ZER1: variants seen among roughly 807,000 people sequenced by gnomAD.
ZER1 encodes the protein protein zer-1 homolog.
In ZER1, 11 loss-of-function variants were observed where a neutral mutation model predicts 78.8. The observed-to-expected ratio is 0.14, with a 90% CI of 0.09 to 0.23. ZER1 has a LOEUF of 0.23. Ranked by LOEUF, ZER1 falls within the 10% of genes least tolerant of loss-of-function variation. The pLI, the probability that ZER1 is intolerant of heterozygous loss-of-function variation, is 1.00. For missense variants in ZER1, 588 were observed against 996.9 expected (o/e 0.59, Z 5.52); for synonymous variants, 400 against 407.0 (o/e 0.98, Z 0.21).
rs1457122391 is a variant in ZER1, at chr9:128,753,872, G to A, written c.246C>T (p.Leu82=). 3 of 1,603,466 alleles carry A rather than the reference G, an allele frequency of 1.9e-6. No individual in the cohort carries two copies. Among genetic ancestry groups the A allele is most frequent in the African/African-American group, 1.3e-5 (1 of 74,966 alleles). Residue 82 remains leucine (L), a synonymous_variant, in exon 3 of 16, where the codon CTC becomes CTT. Coordinates refer to ENST00000291900, the MANE Select transcript of ZER1 (RefSeq NM_006336.4). This position sits in a 1 kb window ranked among gnomAD's most constrained non-coding sequence, Gnocchi z 7.5. ...GGTCCTCACGGAGGTGGATCCGCGT[G>A]AGGCGGGTGCTGCGGGGGTCCGAAA... The part of the protein sequence containing the change: ...SLFSDPRSTR[L]TRIHLREDLV...
Position 128,753,409 on chromosome 9 carries a change from C to T in ZER1, c.501G>A (p.Lys167=). 6.2e-7 allele frequency: 1 copy of T among 1,614,184 alleles called. No individual in the cohort carries two copies. The highest frequency in any genetic ancestry group is 2.2e-5 in the East Asian group (1 of 44,888). The stretch of plus-strand genomic sequence containing the variant: ...GGCTGAAGCCCTCGAAGGTGAAATC[C>T]TTAACCAGCACCTGGCAGGTGGGGT... ...LVNPTCQVLV[K]DFTFEGFSRL... Residue 167 remains lysine, a synonymous_variant, in exon 4 of 16, where the codon AAG becomes AAA. Coordinates refer to ENST00000291900, the MANE Select transcript of ZER1 (RefSeq NM_006336.4). The surrounding 1 kb of genome is among the most constrained non-coding windows in gnomAD (Gnocchi z 7.5).
rs1863234352 is a variant in ZER1 at position 128,739,994 on chromosome 9, T to G, written c.1979A>C (p.Glu660Ala). Residue 660 changes from glutamate to alanine, a missense_variant, in exon 13 of 16, where the codon GAG becomes GCG. Coordinates refer to ENST00000291900, the MANE Select transcript of ZER1 (RefSeq NM_006336.4). Reference sequence around the variant, plus strand: ...CTGGATGGCAGCCCACATGCGTTCCTCCACCTCCTCACGCTGGGGCTCACA... The same window carrying G: ...CTGGATGGCAGCCCACATGCGTTCCGCCACCTCCTCACGCTGGGGCTCACA... ...GVCEPQREEV[E>A]ERMWAAIQSW... 6.2e-7 allele frequency: 1 copy of G among 1,613,872 alleles called. No individual in the cohort carries two copies. Among genetic ancestry groups the G allele is most frequent in the Non-Finnish European group, 8.5e-7 (1 of 1,179,910 alleles).
intron 14 of ZER1, among the ~76,000 whole-genome samples, chr9:128,734,927 C>T (rs779338783): frequency 2.0e-5 from 3 of 151,550 alleles, no homozygotes; most frequent in Non-Finnish European, 4.4e-5. Context: ...TTGCTCAGGC[C>T]GGAGTGCAAT....
At chr9:128,752,890 C>G in intron 4 of ZER1, 41 bp from the exon 5 acceptor site, 1 of 1,583,786 alleles carries the variant, frequency 6.3e-7, no homozygotes, top group Non-Finnish European at 8.6e-7. Context: ...GAGCTGGGTA[C>G]AGGGTGGGGC....
intron 13 of ZER1, 112 bp downstream of exon 13, chr9:128,739,819 A>T: frequency 7.5e-7 from 1 of 1,337,760 alleles, no homozygotes; most frequent in Non-Finnish European, 1.0e-6. Context: ...AGAACCCTAC[A>T]GAAGACCAGA....
intron 1 of ZER1, among the ~76,000 whole-genome samples, chr9:128,758,161 T>G (rs1002929699): frequency 6.7e-6 from 1 of 150,180 alleles, no homozygotes; most frequent in African/African-American, 2.4e-5. Context: ...GCTCTGTTGC[T>G]CAGGCTGGAG....
intron 1 of ZER1, among the ~76,000 whole-genome samples, chr9:128,769,884 C>T (rs981720955): frequency 2.0e-5 from 3 of 152,174 alleles, no homozygotes; most frequent in Non-Finnish European, 4.4e-5. Context: ...TACTTACAAC[C>T]GAAGCCCCAA....
rs536890850 is a variant in ZER1 at position 128,761,586 on chromosome 9, C to T, written c.-94-5927G>A. On this transcript the variant is annotated intron_variant, in intron 1 of 15. Transcript: ENST00000291900. ...CAGTCATGAGCCACCATGTCCAGCC[C>T]TATGACCCCATAATTTGTTTTTTTT... Among the ~76,000 whole-genome samples, 3 of 149,188 alleles carry T rather than the reference C, an allele frequency of 2.0e-5. No individual in the cohort carries two copies. The East Asian group carries it at 6.0e-4, about 30-fold the overall frequency.
rs1253876197 is a variant in ZER1, at chr9:128,753,136, C to A, written c.746+28G>T. The A allele has an allele frequency of 1.3e-5, 19 of 1,504,298 alleles. No homozygotes were observed. Among genetic ancestry groups the A allele is most frequent in the Non-Finnish European group, 1.7e-5 (19 of 1,124,228 alleles). 93.2% of individuals were successfully genotyped at this position (1,504,298 alleles called of 1,614,324 possible). A position where few individuals can be genotyped will look rare whatever the true frequency, so the allele number is the denominator to read the frequency against. ...TCCCCACCTGCCCCCCAAACCCCACCCTGGTGAGCTCTGGGCCAGGAGCTC... is the reference window on the plus strand; with the variant it reads ...TCCCCACCTGCCCCCCAAACCCCACACTGGTGAGCTCTGGGCCAGGAGCTC... On this transcript the variant is annotated intron_variant, in intron 4 of 15. Transcript: ENST00000291900. This position sits in a 1 kb window ranked among gnomAD's most constrained non-coding sequence, Gnocchi z 7.5.
At chr9:128,767,231 C>T (rs528932425) in intron 1 of ZER1, among the ~76,000 whole-genome samples, 1 of 151,958 alleles carries the variant, frequency 6.6e-6, no homozygotes, top group East Asian at 1.9e-4. Flanking sequence ...GTGTGAGCCA[C>T]TGCGGTCGGC....
At chr9:128,767,591 T>C (rs1248650111) in intron 1 of ZER1, among the ~76,000 whole-genome samples, 1 of 152,158 alleles carries the variant, frequency 6.6e-6, no homozygotes, top group Non-Finnish European at 1.5e-5. Context: ...ATCATTTTGT[T>C]TCCCAGATAA....
intron 13 of ZER1, among the ~76,000 whole-genome samples, 195 bp downstream of exon 13, chr9:128,739,736 A>G (rs1863224510): frequency 1.3e-5 from 2 of 152,114 alleles, no homozygotes; most frequent in Non-Finnish European, 2.9e-5. Context: ...CAAATGCTCC[A>G]GGCTGCACGG....
At chr9:128,768,624 T>C (rs542181493) in intron 1 of ZER1, among the ~76,000 whole-genome samples, 1 of 152,264 alleles carries the variant, frequency 6.6e-6, no homozygotes, top group African/African-American at 2.4e-5. Flanking sequence ...TCCTAAGTGC[T>C]CTGACCTTTC....
At chr9:128,739,875 G>A (rs760217639) in intron 13 of ZER1, 56 bp downstream of exon 13, 33 of 1,563,758 alleles carry the variant, frequency 2.1e-5, no homozygotes, top group Non-Finnish European at 2.6e-5. Flanking sequence ...TGAGCATCCT[G>A]CCCAGCACTT....
chr9:128,754,206 C>G lies in ZER1; in HGVS notation c.159-247G>C, dbSNP rs143724187. Among the ~76,000 whole-genome samples the G allele has an allele frequency of 3.4e-3, 524 of 152,310 alleles. 3 individuals are homozygous for G. Among genetic ancestry groups the G allele is most frequent in the African/African-American group, 0.012 (491 of 41,572 alleles). ...TGCAGGCGCCATCTCTCCCAGTGCACATGCCTGTCACACAGCCTCCACGCA... is the reference window on the plus strand; with the variant it reads ...TGCAGGCGCCATCTCTCCCAGTGCAGATGCCTGTCACACAGCCTCCACGCA... On this transcript the variant is annotated intron_variant, in intron 2 of 15. Coordinates refer to ENST00000291900, the MANE Select transcript of ZER1 (RefSeq NM_006336.4). This position sits in a 1 kb window ranked among gnomAD's most constrained non-coding sequence, Gnocchi z 4.3.
At position 128,754,450 on chromosome 9, in the gene ZER1, A is replaced by C. The variant is rs1331461554; in HGVS notation, c.159-491T>G. Among the ~76,000 whole-genome samples the C allele has an allele frequency of 3.3e-5, 5 of 152,324 alleles. No homozygotes were observed. The East Asian group carries it at 5.8e-4, about 18-fold the overall frequency. Reference sequence around the variant, plus strand: ...TTTGGATTCAAACGCTTTAGACTCTAAATCTTGGCTTGGCTGCTTCCTACC... The same window carrying C: ...TTTGGATTCAAACGCTTTAGACTCTCAATCTTGGCTTGGCTGCTTCCTACC... On this transcript the variant is annotated intron_variant, in intron 2 of 15. Transcript: ENST00000291900. This position sits in a 1 kb window ranked among gnomAD's most constrained non-coding sequence, Gnocchi z 4.3.
chr9:128,744,164 TG>T, intron 8 of ZER1, among the ~76,000 whole-genome samples: 1 of 152,182 alleles, frequency 6.6e-6, no homozygotes, highest in Non-Finnish European at 1.5e-5. Flanking sequence ...CCCAAAGTGC[TG>T]GGATTACAGG....
At chr9:128,734,144 A>AAAAAAAATATAT in intron 14 of ZER1, among the ~76,000 whole-genome samples, 8 of 14,446 alleles carry the variant, frequency 5.5e-4, no homozygotes, top group African/African-American at 1.5e-3. Flanking sequence ...AAAAAAAAAA[A>AAAAAAAATATAT]ATATATATAT....
chr9:128,734,904 G>A lies in ZER1; in HGVS notation c.2140+430C>T, dbSNP rs574966217. Among the ~76,000 whole-genome samples the A allele has an allele frequency of 1.1e-3, 174 of 151,832 alleles. 1 individual carries two copies. Among genetic ancestry groups the A allele is most frequent in the African/African-American group, 4.1e-3 (169 of 41,390 alleles). On this transcript the variant is annotated intron_variant, in intron 14 of 15. Coordinates refer to ENST00000291900, the MANE Select transcript of ZER1 (RefSeq NM_006336.4). ...ACTTTTATTTTACTTCTGGAGATGG[G>A]GGTCTCACTATGTTGCTCAGGCCGG...
Sources: allele counts gnomAD v4.1 joint callset (sites outside exome capture counted in the v4.1 genomes callset), GRCh38; gene constraint gnomAD v4.1.1; non-coding constraint Gnocchi (gnomAD v3.1); transcripts MANE v1.5; gene names NCBI Gene and HGNC (gene_info 2026-07-23, HGNC 2026-07-21).